Variants in CLCA1 observed in about 807,000 individuals in gnomAD.
CLCA1 encodes chloride channel accessory 1.
A neutral mutation model predicts 85.6 loss-of-function variants in CLCA1; 59 were observed. The ratio of observed to expected loss-of-function variants is 0.69; its 90% CI spans 0.56 to 0.86. The LOEUF (loss-of-function observed/expected upper bound fraction) is 0.86. Ranked by LOEUF, CLCA1 falls within the 40% of genes least tolerant of loss-of-function variation. The pLI, the probability that CLCA1 is intolerant of heterozygous loss-of-function variation, is 0.00. For synonymous variants in CLCA1, 396 were observed against 398.3 expected, an observed-to-expected ratio of 0.99 and a Z score of 0.07; for missense variants, 1,022 against 1,101.4, an observed-to-expected ratio of 0.93 and a Z score of 1.02.
intron 5 of CLCA1, among the ~76,000 whole-genome samples, chr1:86,484,575 G>T (rs1442319690): frequency 3.3e-5 from 5 of 152,212 alleles, no homozygotes; most frequent in African/African-American, 1.2e-4. Flanking sequence ...CTCTCAGGCA[G>T]CTGTGAGGTG....
chr1:86,498,024 T>A (rs182846997), intron 12 of CLCA1, among the ~76,000 whole-genome samples: 1 of 152,164 alleles, frequency 6.6e-6, no homozygotes. Flanking sequence ...ATGCCTGTAA[T>A]CCCAGCTACT....
chr1:86,473,393 C>G (rs180702059), intron 1 of CLCA1, 24 bp from the exon 2 acceptor site: 3 of 1,493,430 alleles, frequency 2.0e-6, no homozygotes, highest in African/African-American at 1.4e-5. Context: ...TCAATTGTTA[C>G]GTATGTTTTC....
At position 86,469,186 on chromosome 1, in the gene CLCA1, T is replaced by C. The variant is rs1357427030; in HGVS notation, c.162+53T>C. ...TTTTAAAAATAGCATAATGTTGTGA[T>C]AGAGAGAACATGAGTGCCCTATTCC... On this transcript the variant is annotated intron_variant, in intron 1 of 13. Coordinates refer to ENST00000394711, the MANE Select transcript of CLCA1 (RefSeq NM_001285.4). 11 of 1,370,922 alleles carry C rather than the reference T, an allele frequency of 8.0e-6. No homozygotes were observed. In the African/African-American group the frequency reaches 1.3e-4, roughly 16 times the overall value. The allele number at this position is 1,370,922 out of a possible 1,614,324, so 84.9% of individuals were successfully genotyped here.
chr1:86,472,506 C>G (rs1647533479), intron 1 of CLCA1, among the ~76,000 whole-genome samples: 1 of 152,156 alleles, frequency 6.6e-6, no homozygotes, highest in Admixed American at 6.6e-5. Context: ...TGTCTATGCT[C>G]ACTTTCGAAG....
In CLCA1 at chr1:86,489,165, T is replaced by A; in HGVS notation, c.1352T>A (p.Met451Lys). 6.2e-7 allele frequency: 1 copy of A among 1,613,592 alleles called. No homozygotes were observed. Among genetic ancestry groups the A allele is most frequent in the East Asian group, 2.2e-5 (1 of 44,844 alleles). ...CAAGAACTAGAGGAGCTGTCCAAAA[T>A]GACAGGTGAGGGATGATTTGCTGAG... Reference protein sequence around the residue: ...AAQELEELSKMTGGLQTYASD... With the variant: ...AAQELEELSKKTGGLQTYASD... The change falls in exon 8 of 14, where the codon ATG (methionine) becomes AAG (lysine). Residue 451 changes from methionine to lysine, a missense_variant. By Grantham distance (95) the Met-to-Lys change is moderately conservative (BLOSUM62 -1). Coordinates refer to ENST00000394711, the MANE Select transcript of CLCA1 (RefSeq NM_001285.4).
chr1:86,492,029 A>T, intron 9 of CLCA1, among the ~76,000 whole-genome samples: 1 of 123,476 alleles, frequency 8.1e-6, no homozygotes, highest in Non-Finnish European at 1.9e-5. Context: ...TTAAGAAAAA[A>T]GAAAAATGTA....
intron 12 of CLCA1, among the ~76,000 whole-genome samples, chr1:86,497,830 G>A (rs1199241370): frequency 6.6e-6 from 1 of 152,082 alleles, no homozygotes; most frequent in African/African-American, 2.4e-5. Flanking sequence ...ATTTCTTGAG[G>A]CAGTCTGAGG....
rs760339716 is a variant in CLCA1, at chr1:86,494,367, A to G, written c.1861A>G (p.Ile621Val). Residue 621 changes from isoleucine to valine, a missense_variant, in exon 11 of 14, where the codon ATT becomes GTT. Ile to Val is a conservative substitution (Grantham distance 29). Transcript: ENST00000394711. ...AAATATTCGCCAAGGAGCCTCCCCAATTCTCAGGGCCAGTGTCACAGCCCT... is the reference window on the plus strand; with the variant it reads ...AAATATTCGCCAAGGAGCCTCCCCAGTTCTCAGGGCCAGTGTCACAGCCCT... ...YANIRQGASP[I>V]LRASVTALIE... is the part of the protein sequence containing the mutation. 1.9e-6 allele frequency: 3 copies of G among 1,614,086 alleles called. No individual in the cohort carries two copies. The highest frequency in any genetic ancestry group is 1.3e-5 in the African/African-American group (1 of 74,944).
Position 86,485,527 on chromosome 1 carries a change from T to A in CLCA1, c.920T>A (p.Val307Glu), listed in dbSNP as rs1027893279. 1 of 1,614,158 alleles carries A rather than the reference T, an allele frequency of 6.2e-7. No homozygotes were observed. The highest frequency in any genetic ancestry group is 8.5e-7 in the Non-Finnish European group (1 of 1,180,016). Residue 307 changes from valine to glutamate, a missense_variant, in exon 6 of 14, where the codon GTG becomes GAG. Transcript: ENST00000394711. ...FSLLQIGQRI[V>E]CLVLDKSGSM... is the part of the protein sequence containing the mutation. ...TTGCTGCAGATTGGACAAAGAATTG[T>A]GTGTTTAGTCCTTGACAAATCTGGA...
intron 4 of CLCA1, among the ~76,000 whole-genome samples, chr1:86,478,254 G>T (rs5744334): frequency 6.6e-6 from 1 of 151,880 alleles, no homozygotes; most frequent in Non-Finnish European, 1.5e-5. Flanking sequence ...GGAAAACTCC[G>T]TCTCTACTAA....
rs146494313 is a variant in CLCA1 at position 86,493,496 on chromosome 1, C to T, written c.1577C>T (p.Pro526Leu). The change falls in exon 10 of 14, where the codon CCT becomes CTT. Residue 526 changes from proline to leucine, a missense_variant. Pro to Leu is a moderately conservative substitution (Grantham distance 98). Coordinates refer to ENST00000394711, the MANE Select transcript of CLCA1 (RefSeq NM_001285.4). ...TLFLITWTMQ[P>L]PQILLWDPSG... ...TTTCTTATCACCTGGACAATGCAGC[C>T]TCCCCAAATCCTTCTCTGGGATCCC... 81 of 1,613,928 alleles carry T rather than the reference C, an allele frequency of 5.0e-5. No homozygotes were observed. Among genetic ancestry groups the T allele is most frequent in the Non-Finnish European group, 6.4e-5 (76 of 1,179,974 alleles).
chr1:86,478,151 G>A (rs184317607), intron 4 of CLCA1, among the ~76,000 whole-genome samples: 4 of 152,198 alleles, frequency 2.6e-5, no homozygotes, highest in Admixed American at 1.3e-4. Context: ...CAAGTGGGCC[G>A]GGCATGGTGG....
chr1:86,487,202 C>T (rs924210993), intron 7 of CLCA1, among the ~76,000 whole-genome samples: 10 of 152,186 alleles, frequency 6.6e-5, no homozygotes, highest in African/African-American at 2.4e-4. Context: ...CTATGAAACA[C>T]TTCTCCAGAT....
intron 12 of CLCA1, among the ~76,000 whole-genome samples, chr1:86,497,848 C>T (rs1473924407): frequency 3.3e-5 from 5 of 152,176 alleles, no homozygotes; most frequent in East Asian, 3.9e-4. Context: ...AGGTTTAAAA[C>T]ACTTAGTCTT....
In CLCA1 at chr1:86,493,585, C is replaced by T. The variant is rs55856184; in HGVS notation, c.1666C>T (p.Pro556Ser). The stretch of plus-strand genomic sequence containing the variant: ...CACCAAAATGGCCTACCTCCAAATC[C>T]CAGGCATTGCTAAGGTATGGAGTCA... ...KNTKMAYLQIPGIAKVGTWKY... is the reference protein window; with the variant it reads ...KNTKMAYLQISGIAKVGTWKY... Residue 556 changes from proline (P) to serine (S), a missense_variant, in exon 10 of 14, where the codon CCA becomes TCA. Pro to Ser is a moderately conservative substitution (Grantham distance 74). Transcript: ENST00000394711. 2 of 1,613,268 alleles carry T rather than the reference C, an allele frequency of 1.2e-6. No homozygotes were observed. The highest frequency in any genetic ancestry group is 2.2e-5 in the East Asian group (1 of 44,896).
intron 5 of CLCA1, among the ~76,000 whole-genome samples, chr1:86,484,313 G>A (rs183008002): frequency 2.0e-4 from 31 of 152,320 alleles, no homozygotes; most frequent in African/African-American, 5.5e-4. Flanking sequence ...GAAACATTTC[G>A]GAAGTGACTT....
At chr1:86,486,881 A>G (rs1647994378) in intron 7 of CLCA1, 128 bp downstream of exon 7, 3 of 806,758 alleles carry the variant, frequency 3.7e-6, no homozygotes, top group African/African-American at 1.7e-5. Flanking sequence ...GCAATATTCC[A>G]TATTTACTTG....
At position 86,488,003 on chromosome 1, in the gene CLCA1, C is replaced by A. The variant is rs536735886; in HGVS notation, c.1183-993C>A. On this transcript the variant is annotated intron_variant, in intron 7 of 13. Transcript: ENST00000394711. ...CTGGGCTCTGGGCTCTTTGACACAG[C>A]AACAGCAACAGTCACTGTTCTGTTC... Among the ~76,000 whole-genome samples the A allele has an allele frequency of 5.3e-5, 8 of 152,340 alleles. No homozygotes were observed. The East Asian group carries it at 1.5e-3, about 29-fold the overall frequency.
chr1:86,484,945 G>A (rs1647923284), intron 5 of CLCA1, among the ~76,000 whole-genome samples: 1 of 152,130 alleles, frequency 6.6e-6, no homozygotes, highest in Non-Finnish European at 1.5e-5. Flanking sequence ...GGGAGTTGAA[G>A]GTTAGAATAT....
Sources: gnomAD v4.1 joint callset for allele counts (sites outside exome capture counted in the v4.1 genomes callset) on GRCh38, gnomAD v4.1.1 for gene constraint, MANE v1.5 for transcripts, NCBI Gene and HGNC (gene_info 2026-07-23, HGNC 2026-07-21) for gene names.